The following DHX37 variants were observed in gnomAD, a reference collection of about 807,000 sequenced individuals.
DHX37 encodes DEAH-box helicase 37.
A neutral mutation model predicts 134.3 loss-of-function variants in DHX37; 52 were observed. That is an observed-to-expected ratio of 0.39 (90% confidence interval 0.31 to 0.49). The LOEUF is 0.49. Ranked by LOEUF, DHX37 falls within the 20% of genes least tolerant of loss-of-function variation. The pLI is 0.93. For missense variants in DHX37, 1,344 were observed against 1,580.8 expected, an observed-to-expected ratio of 0.85 and a Z score of 2.54; for synonymous variants, 634 against 670.7, an observed-to-expected ratio of 0.95 and a Z score of 0.85.
chr12:124,961,023 C>CT (rs909961716), intron 15 of DHX37, among the ~76,000 whole-genome samples: 2 of 152,262 alleles, frequency 1.3e-5, no homozygotes, highest in African/African-American at 4.8e-5. Flanking sequence ...GCACTCTACA[C>CT]TTTAACTACA....
rs200165099 is a variant in DHX37, at chr12:124,948,170, C to T, written c.3302G>A (p.Arg1101His). Residue 1101 changes from arginine (R) to histidine (H), a missense_variant, in exon 26 of 27, where the codon CGT becomes CAT. This residue lies in a region of DHX37 where 558 missense variants were observed against 650.0 expected (regional missense o/e 0.86). Coordinates refer to ENST00000308736, the MANE Select transcript of DHX37 (RefSeq NM_032656.4). ...MLKTWARLQPRTESLLRALVA... is the reference protein window; with the variant it reads ...MLKTWARLQPHTESLLRALVA... ...CAGGGCTCGCAGAAGGCTCTCCGTA[C>T]GGGGCTGCAGCCTGTGGGGCAGGAA... The T allele has an allele frequency of 2.4e-5, 39 of 1,614,030 alleles. No homozygotes were observed. Among genetic ancestry groups the T allele is most frequent in the Admixed American group, 5.0e-5 (3 of 60,018 alleles).
At chr12:124,954,236 T>G in intron 18 of DHX37, 25 bp from the exon 19 acceptor site, 1 of 1,542,206 alleles carries the variant, frequency 6.5e-7, no homozygotes. Context: ...ACATACTGTC[T>G]GGGCTGGGGC....
chr12:124,967,267 T>C, intron 10 of DHX37, 49 bp from the exon 11 acceptor site: 1 of 1,589,342 alleles, frequency 6.3e-7, no homozygotes, highest in African/African-American at 1.3e-5. Flanking sequence ...CTCACAAACA[T>C]TTGCTTAGCA....
intron 10 of DHX37, among the ~76,000 whole-genome samples, chr12:124,967,863 G>A (rs1954422827): frequency 6.6e-6 from 1 of 152,132 alleles, no homozygotes; most frequent in South Asian, 2.1e-4. Flanking sequence ...GAGGTCAGGA[G>A]TTCGAGACCA....
intron 16 of DHX37, among the ~76,000 whole-genome samples, chr12:124,960,100 C>T (rs529749662): frequency 1.9e-3 from 297 of 152,348 alleles, no homozygotes; most frequent in Non-Finnish European, 3.1e-3. Context: ...CTATTCCAGA[C>T]AGCCATCCCC....
rs749103130 is a variant in DHX37 at position 124,948,163 on chromosome 12, C to T, written c.3309G>A (p.Glu1103=). 1.2e-6 allele frequency: 2 copies of T among 1,614,124 alleles called. No homozygotes were observed. The highest frequency in any genetic ancestry group is 8.5e-7 in the Non-Finnish European group (1 of 1,180,022). ...KTWARLQPRT[E]SLLRALVAEK... is the part of the protein sequence containing the mutation. Reference sequence around the variant, plus strand: ...CTGCAACCAGGGCTCGCAGAAGGCTCTCCGTACGGGGCTGCAGCCTGTGGG... The same window carrying T: ...CTGCAACCAGGGCTCGCAGAAGGCTTTCCGTACGGGGCTGCAGCCTGTGGG... Residue 1103 remains glutamate, a synonymous_variant, in exon 26 of 27, where the codon GAG becomes GAA. Transcript: ENST00000308736.
At chr12:124,960,917 G>A (rs1043391215) in intron 15 of DHX37, among the ~76,000 whole-genome samples, 5 of 152,220 alleles carry the variant, frequency 3.3e-5, no homozygotes, top group Non-Finnish European at 4.4e-5. Flanking sequence ...TGGTGCCACT[G>A]TACTCCAGCC....
chr12:124,986,677 C>T (rs771936464), intron 1 of DHX37, among the ~76,000 whole-genome samples: 2 of 151,942 alleles, frequency 1.3e-5, no homozygotes, highest in Middle Eastern at 3.2e-3. Flanking sequence ...TGCCACTGCA[C>T]TCCAGCCTGG....
chr12:124,981,861 C>T (rs1337255811), intron 3 of DHX37, among the ~76,000 whole-genome samples: 2 of 151,864 alleles, frequency 1.3e-5, no homozygotes, highest in African/African-American at 4.8e-5. Context: ...CGGTGGCTCA[C>T]GCCTGTAATC....
In DHX37 at chr12:124,974,480, C is replaced by T. The variant is rs556297311; in HGVS notation, c.980+939G>A. On this transcript the variant is annotated intron_variant, in intron 6 of 26. Transcript: ENST00000308736. ...CCTAACGTACAAAGACAACAAGTCCCCCAACTGGCATGCTGACCCGGGGGC... is the reference window on the plus strand; with the variant it reads ...CCTAACGTACAAAGACAACAAGTCCTCCAACTGGCATGCTGACCCGGGGGC... Among the ~76,000 whole-genome samples, 5 of 113,668 alleles carry T rather than the reference C, an allele frequency of 4.4e-5. No individual in the cohort carries two copies. In the East Asian group the frequency reaches 1.4e-3, roughly 33 times the overall value. 74.6% of individuals were successfully genotyped at this position (113,668 alleles called of 152,430 possible).
Position 124,947,818 on chromosome 12 carries a change from G to A in DHX37, c.3458C>T (p.Pro1153Leu). The A allele has an allele frequency of 1.3e-6, 2 of 1,591,346 alleles. No individual in the cohort carries two copies. The highest frequency in any genetic ancestry group is 2.3e-5 in the South Asian group (2 of 87,024). Reference protein sequence around the residue: ...MHPDIEKAWPPTTVH With the variant: ...MHPDIEKAWPLTTVH ...GGTTTCTGGTCAGTGGACAGTGGTG[G>A]GGGGCCAGGCTTTCTCGATATCGGG... is the stretch of plus-strand genomic sequence containing the variant. Residue 1153 changes from proline (P) to leucine (L), a missense_variant, in exon 27 of 27, where the codon CCC becomes CTC. Physicochemically the swap from Pro to Leu is moderately conservative, Grantham distance 98. This residue lies in a region of DHX37 where 558 missense variants were observed against 650.0 expected (regional missense o/e 0.86). Transcript: ENST00000308736.
In DHX37 at chr12:124,980,766, G is replaced by A. The variant is rs1469443952; in HGVS notation, c.462C>T (p.Arg154=). ...CCTCCTCCTCAGCTGAGGGCCAGCG[G>A]CGACGCTTCCGGTGGGCACCGCTGA... ...SSLSGAHRKR[R]RWPSAEEEEE... is the part of the protein sequence containing the mutation. Residue 154 remains arginine, a synonymous_variant, in exon 4 of 27, where the codon CGC becomes CGT. Transcript: ENST00000308736. The surrounding 1 kb of genome is among the most constrained non-coding windows in gnomAD (Gnocchi z 5.3). 1.8e-5 allele frequency: 28 copies of A among 1,557,056 alleles called. No individual in the cohort carries two copies. The highest frequency in any genetic ancestry group is 2.3e-5 in the Non-Finnish European group (27 of 1,153,180).
chr12:124,964,581 T>A lies in DHX37; in HGVS notation c.1858A>T (p.Thr620Ser). ...PEGTRLCVVA[T>S]NVAETSLTIP... is the part of the protein sequence containing the mutation. ...GTAAGCGACGTCTCGGCCACATTGG[T>A]GGCCACAACACACAACCGAGTCCCC... The change falls in exon 15 of 27, where the codon ACC becomes TCC. Residue 620 changes from threonine to serine, a missense_variant. Thr to Ser is a moderately conservative substitution (Grantham distance 58). Around this residue, in one of 7 missense-constraint regions of DHX37, gnomAD observed 289 missense variants for 323.8 expected, o/e 0.89. Transcript: ENST00000308736. The A allele has an allele frequency of 6.2e-7, 1 of 1,613,338 alleles. No homozygotes were observed.
chr12:124,966,368 T>C (rs1954387547), intron 12 of DHX37, among the ~76,000 whole-genome samples: 1 of 151,800 alleles, frequency 6.6e-6, no homozygotes, highest in South Asian at 2.1e-4. Context: ...CGCCTGGCCT[T>C]CTTTTCCATT....
In DHX37 at chr12:124,981,486, G is replaced by A. The variant is rs1279923915; in HGVS notation, c.390-648C>T. ...AATTCACCTTGTCGCCCAGGACGGA[G>A]TGCAGTGGTGCAATCACGGCTCACT... is the stretch of plus-strand genomic sequence containing the variant. On this transcript the variant is annotated intron_variant, in intron 3 of 26. Coordinates refer to ENST00000308736, the MANE Select transcript of DHX37 (RefSeq NM_032656.4). Among the ~76,000 whole-genome samples the A allele has an allele frequency of 3.3e-5, 5 of 152,176 alleles. No homozygotes were observed. In the East Asian group the frequency reaches 9.7e-4, roughly 29 times the overall value.
chr12:124,966,662 C>G, intron 12 of DHX37, 131 bp downstream of exon 12: 1 of 970,218 alleles, frequency 1.0e-6, no homozygotes. Context: ...CTGTGCCTGA[C>G]CAGGAACTGG....
In DHX37 at chr12:124,986,101, T is replaced by C. The variant is rs1376214605; in HGVS notation, c.271A>G (p.Ser91Gly). ...CCTGCCCGAGTGGGGTGTACCTGGC[T>C]CTTTTTCTCCTTCTGTTCTAAGATT... ...QKILEQKEKK[S>G]QRAEMLQKLS... The change falls in exon 2 of 27, where the codon AGC becomes GGC. Residue 91 changes from serine to glycine, a missense_variant. Around this residue, in one of 7 missense-constraint regions of DHX37, gnomAD observed 319 missense variants for 296.1 expected, o/e 1.08. Coordinates refer to ENST00000308736, the MANE Select transcript of DHX37 (RefSeq NM_032656.4). 6.2e-7 allele frequency: 1 copy of C among 1,613,680 alleles called. No homozygotes were observed. Among genetic ancestry groups the C allele is most frequent in the Non-Finnish European group, 8.5e-7 (1 of 1,180,006 alleles).
Position 124,980,839 on chromosome 12 carries a change from C to A in DHX37, c.390-1G>T. The A allele has an allele frequency of 6.5e-7, 1 of 1,549,520 alleles. No individual in the cohort carries two copies. The highest frequency in any genetic ancestry group is 2.4e-5 in the East Asian group (1 of 41,430). On this transcript the variant is annotated splice_acceptor_variant, in intron 3 of 26. Transcript: ENST00000308736. LOFTEE classifies it high-confidence loss of function. This position sits in a 1 kb window ranked among gnomAD's most constrained non-coding sequence, Gnocchi z 5.3. ...CGGGGCTACCACCTCGTCAGCCTTC[C>A]TGTTGAGATAGCAGAGACTTCAGGC...
intron 15 of DHX37, among the ~76,000 whole-genome samples, chr12:124,963,536 A>G (rs1954311368): frequency 6.6e-6 from 1 of 152,112 alleles, no homozygotes; most frequent in Non-Finnish European, 1.5e-5. Flanking sequence ...AGCTGTTAAC[A>G]AACAGCACTC....
Sources: gnomAD v4.1 joint callset for allele counts (sites outside exome capture counted in the v4.1 genomes callset) on GRCh38, gnomAD v4.1.1 for gene constraint, gnomAD v4.1.1 regional missense constraint, Gnocchi (gnomAD v3.1) non-coding constraint, MANE v1.5 for transcripts, NCBI Gene and HGNC (gene_info 2026-07-23, HGNC 2026-07-21) for gene names.